Variants in GFI1B observed in about 807,000 individuals in gnomAD.
The protein encoded by GFI1B is zinc finger protein Gfi-1b.
In GFI1B, 20 loss-of-function variants were observed where a neutral mutation model predicts 35.3. The observed-to-expected ratio is 0.57, with a 90% CI of 0.40 to 0.82. The LOEUF is 0.82. Among genes scored for constraint, GFI1B ranks in the 40% least tolerant of loss-of-function variants. The probability of loss-of-function intolerance (pLI) is 0.00; values close to 1 mark genes in which losing one functional copy is unlikely to be tolerated. For missense variants in GFI1B, 430 were observed against 446.3 expected (o/e 0.96, Z 0.33); for synonymous variants, 178 against 177.6 (o/e 1.00, Z -0.02).
At chr9:132,962,694 A>G in intron 1 of GFI1B, 1 of 454,940 alleles carries the variant, frequency 2.2e-6, no homozygotes, top group East Asian at 5.9e-5. Context: ...TGACACACAT[A>G]TTATGTTCTA....
At chr9:132,966,709 T>A (rs1055859291) in intron 1 of GFI1B, among the ~76,000 whole-genome samples, 1 of 152,180 alleles carries the variant, frequency 6.6e-6, no homozygotes, top group Non-Finnish European at 1.5e-5. Context: ...CTTAATTCAG[T>A]TATGATGGAG....
At chr9:132,969,729 C>T (rs76336274) in intron 1 of GFI1B, among the ~76,000 whole-genome samples, 3,225 of 152,220 alleles carry the variant, frequency 0.021, 112 homozygotes, top group African/African-American at 0.074. Context: ...TACAAGGGCC[C>T]CTTTAAAACT....
rs770441967 is a variant in GFI1B, at chr9:132,990,867, T to C, written c.815-5T>C. The C allele has an allele frequency of 1.9e-6, 3 of 1,613,888 alleles. No individual in the cohort carries two copies. Among genetic ancestry groups the C allele is most frequent in the East Asian group, 2.2e-5 (1 of 44,882 alleles). Reference sequence around the variant, plus strand: ...CCTTGCTGTGCTGCGCTGCCCTCCCTGCAGGTGAGAAGCCGCACAAGTGCC... The same window carrying C: ...CCTTGCTGTGCTGCGCTGCCCTCCCCGCAGGTGAGAAGCCGCACAAGTGCC... On this transcript the variant is annotated splice_polypyrimidine_tract_variant and splice_region_variant and intron_variant, in intron 6 of 6. Transcript: ENST00000372122.
intron 1 of GFI1B, among the ~76,000 whole-genome samples, chr9:132,985,257 T>C (rs1293755679): frequency 3.9e-5 from 6 of 152,096 alleles, no homozygotes; most frequent in African/African-American, 1.4e-4. Context: ...TCCAGAGGGC[T>C]CTGCAGGGGA....
chr9:132,961,685 G>A (rs1338455139), intron 1 of GFI1B, among the ~76,000 whole-genome samples: 1 of 150,182 alleles, frequency 6.7e-6, no homozygotes, highest in Non-Finnish European at 1.5e-5. Context: ...TCTGCCTCCC[G>A]GGTTCACGCC....
At chr9:132,993,064 C>T (rs1373753648), downstream of GFI1B, among the ~76,000 whole-genome samples, 2 of 151,984 alleles carry the variant, frequency 1.3e-5, no homozygotes, top group East Asian at 1.9e-4. Flanking sequence ...GAGGCTGAGG[C>T]GGGCAGATCA....
chr9:132,973,585 T>TCTGGGCCAAATCTGCA (rs1848571801), intron 2 of GFI1B, among the ~76,000 whole-genome samples: 1 of 152,312 alleles, frequency 6.6e-6, no homozygotes, highest in South Asian at 2.1e-4. Context: ...AGACAACAGA[T>TCTGGGCCAAATCTGCA]GACTCCCTGG....
At chr9:132,990,165 A>C (rs1311606493) in intron 6 of GFI1B, among the ~76,000 whole-genome samples, 1 of 152,220 alleles carries the variant, frequency 6.6e-6, no homozygotes, top group African/African-American at 2.4e-5. Context: ...CTGCTCATTC[A>C]TTTGTTCACT....
upstream of GFI1B, among the ~76,000 whole-genome samples, chr9:132,974,049 G>A (rs1848580584): frequency 6.6e-6 from 1 of 152,208 alleles, no homozygotes; most frequent in Admixed American, 6.5e-5. Flanking sequence ...CCAGAGATAA[G>A]AGCCGCATAA....
rs1849274768 is a variant in GFI1B, at chr9:132,990,953, C to T, written c.896C>T (p.Thr299Ile). The change falls in exon 7 of 7, where the codon ACA becomes ATA. Residue 299 changes from threonine (T) to isoleucine (I), a missense_variant. Thr to Ile is a moderately conservative substitution (Grantham distance 89). Transcript: ENST00000372122. Reference sequence around the variant, plus strand: ...CTCATCACCCACAGCCGCAAGCACACAGGCTTCAAGCCCTTCAGCTGTGAG... The same window carrying T: ...CTCATCACCCACAGCCGCAAGCACATAGGCTTCAAGCCCTTCAGCTGTGAG... ...SNLITHSRKH[T>I]GFKPFSCELC... 1 of 1,614,184 alleles carries T rather than the reference C, an allele frequency of 6.2e-7. No individual in the cohort carries two copies. The highest frequency in any genetic ancestry group is 8.5e-7 in the Non-Finnish European group (1 of 1,179,988).
upstream of GFI1B, among the ~76,000 whole-genome samples, chr9:132,974,660 T>A (rs1848595258): frequency 7.2e-6 from 1 of 139,858 alleles, no homozygotes; most frequent in African/African-American, 2.7e-5. Flanking sequence ...TAAGTGTGAA[T>A]GCTAAGAAGA....
chr9:132,953,492 G>GA (rs1431222424), intron 1 of GFI1B: 1 of 151,980 alleles, frequency 6.6e-6, no homozygotes, highest in African/African-American at 2.4e-5. Context: ...TGTCTCTACT[G>GA]AAAATACAAA....
intron 1 of GFI1B, among the ~76,000 whole-genome samples, chr9:132,969,966 C>T (rs1416268507): frequency 1.3e-5 from 2 of 152,104 alleles, no homozygotes; most frequent in Non-Finnish European, 2.9e-5. Flanking sequence ...AGATGTAAAT[C>T]GCGTGCAAAT....
chr9:132,988,418 C>G lies in GFI1B; in HGVS notation c.460C>G (p.Leu154Val), dbSNP rs150284911. 12 of 1,613,988 alleles carry G rather than the reference C, an allele frequency of 7.4e-6. No individual in the cohort carries two copies. The highest frequency in any genetic ancestry group is 1.0e-5 in the Non-Finnish European group (12 of 1,180,008). The change falls in exon 4 of 7, where the codon CTC (leucine) becomes GTC (valine). Residue 154 changes from leucine to valine, a missense_variant. Coordinates refer to ENST00000372122, the MANE Select transcript of GFI1B (RefSeq NM_001377304.1). ...PSTEPALDFS[L>V]RYSPGMDAYH... ...CACTGAGCCCGCCTTGGACTTCAGC[C>G]TCCGCTACTCCCCAGGCATGGATGC...
At chr9:132,967,544 CAAAG>C (rs370587927) in intron 1 of GFI1B, among the ~76,000 whole-genome samples, 18 of 152,236 alleles carry the variant, frequency 1.2e-4, no homozygotes, top group African/African-American at 4.1e-4. Context: ...GAGGAACTAT[CAAAG>C]AAAACTGGGG....
In GFI1B at chr9:132,987,398, G is replaced by T. The variant is rs769769380; in HGVS notation, c.217G>T (p.Ala73Ser). The T allele has an allele frequency of 3.1e-6, 5 of 1,614,142 alleles. No individual in the cohort carries two copies. Among genetic ancestry groups the T allele is most frequent in the Non-Finnish European group, 4.2e-6 (5 of 1,180,052 alleles). ...GGAGCTGGAGCAGGACCAGAACTTG[G>T]CCAGGATGGCCCCGGCACCAGGTAC... is the stretch of plus-strand genomic sequence containing the variant. ...EPELEQDQNLARMAPAPEGPI... is the reference protein window; with the variant it reads ...EPELEQDQNLSRMAPAPEGPI... Residue 73 changes from alanine to serine, a missense_variant, in exon 3 of 7, where the codon GCC (alanine) becomes TCC (serine). Transcript: ENST00000372122.
At chr9:132,970,067 G>A (rs1848510299) in intron 1 of GFI1B, among the ~76,000 whole-genome samples, 1 of 152,108 alleles carries the variant, frequency 6.6e-6, no homozygotes, top group Non-Finnish European at 1.5e-5. Flanking sequence ...TGTTGAGAAG[G>A]AACCCCATCG....
chr9:132,987,488 C>A (rs1849117528), intron 3 of GFI1B, 69 bp downstream of exon 3: 1 of 1,575,450 alleles, frequency 6.3e-7, no homozygotes, highest in African/African-American at 1.3e-5. Context: ...GGGACTCTTG[C>A]AGCAGGGCCC....
chr9:132,954,511 G>T (rs181127636), intron 1 of GFI1B, among the ~76,000 whole-genome samples: 265 of 149,854 alleles, frequency 1.8e-3, no homozygotes, highest in African/African-American at 6.1e-3. Context: ...GGAGGCAGAA[G>T]TTGCAGTGAG....
Sources: gnomAD v4.1 joint callset for allele counts (sites outside exome capture counted in the v4.1 genomes callset) on GRCh38, gnomAD v4.1.1 for gene constraint, MANE v1.5 for transcripts, NCBI Gene and HGNC (gene_info 2026-07-23, HGNC 2026-07-21) for gene names.